ROR2: variants seen among roughly 807,000 people sequenced by gnomAD.
ROR2 encodes the protein ROR family WNT receptor 2.
Under a neutral mutation model 74.9 loss-of-function variants are expected in ROR2, and 33 were observed. That is an observed-to-expected ratio of 0.44 (90% CI 0.33 to 0.59). The LOEUF (loss-of-function observed/expected upper bound fraction) is 0.59. ROR2 is among the 20% of genes least tolerant of loss of function. ROR2 has a pLI of 0.02. For synonymous variants in ROR2, 586 were observed against 558.7 expected (o/e 1.05, Z -0.69); for missense variants, 1,216 against 1,313.8 (o/e 0.93, Z 1.15).
intron 3 of ROR2, 89 bp from the exon 4 acceptor site, chr9:91,756,190 G>A: frequency 3.0e-6 from 4 of 1,317,210 alleles, no homozygotes; most frequent in Middle Eastern, 1.8e-4. Context: ...CAAACAGGCT[G>A]AAGCCAGCGG....
intron 1 of ROR2, among the ~76,000 whole-genome samples, chr9:91,891,656 C>G (rs1830423042): frequency 1.3e-5 from 2 of 152,212 alleles, no homozygotes; most frequent in Admixed American, 1.3e-4. Context: ...CTTTTGGTTG[C>G]AGGACTGCAT....
At chr9:91,921,634 C>A (rs574541938) in intron 1 of ROR2, among the ~76,000 whole-genome samples, 1 of 152,086 alleles carries the variant, frequency 6.6e-6, no homozygotes, top group Non-Finnish European at 1.5e-5. Context: ...GAGGCCCAGG[C>A]GGGTGGATTA....
intron 1 of ROR2, among the ~76,000 whole-genome samples, chr9:91,823,611 G>A (rs530163944): frequency 5.3e-5 from 8 of 152,188 alleles, no homozygotes; most frequent in African/African-American, 1.9e-4. Flanking sequence ...TATAAAATAT[G>A]GATTTAAGGA....
intron 1 of ROR2, among the ~76,000 whole-genome samples, chr9:91,824,417 A>G (rs911325771): frequency 1.3e-5 from 2 of 152,216 alleles, no homozygotes; most frequent in Non-Finnish European, 2.9e-5. Flanking sequence ...AGTGGGCACT[A>G]AACCTCACTA....
At position 91,855,593 on chromosome 9, in the gene ROR2, A is replaced by G. The variant is rs1829254370; in HGVS notation, c.98-79775T>C. On this transcript the variant is annotated intron_variant, in intron 1 of 8. Transcript: ENST00000375708. ...GGTAAGCATCTTAGAGAAGGAAGGG[A>G]CACCCAGGGGCAATCAGCCTGCCTT... Among the ~76,000 whole-genome samples, 4 of 152,004 alleles carry G rather than the reference A, an allele frequency of 2.6e-5. No individual in the cohort carries two copies. In the South Asian group the frequency reaches 8.3e-4, roughly 32 times the overall value.
At chr9:91,803,588 G>GAGA (rs1827458975) in intron 1 of ROR2, among the ~76,000 whole-genome samples, 1 of 151,856 alleles carries the variant, frequency 6.6e-6, no homozygotes, top group African/African-American at 2.4e-5. Flanking sequence ...TTCACAGAAG[G>GAGA]AGACAACAAC....
At chr9:91,845,652 C>A (rs1828905772) in intron 1 of ROR2, among the ~76,000 whole-genome samples, 1 of 152,022 alleles carries the variant, frequency 6.6e-6, no homozygotes, top group South Asian at 2.1e-4. Flanking sequence ...GAGGCTGAGG[C>A]GGGCGGATCA....
At chr9:91,749,455 T>C (rs79572608) in intron 4 of ROR2, among the ~76,000 whole-genome samples, 185 of 152,332 alleles carry the variant, frequency 1.2e-3, no homozygotes, top group Admixed American at 2.7e-3. Flanking sequence ...TCCACCCTTA[T>C]GACCTTATTT....
At position 91,733,459 on chromosome 9, in the gene ROR2, G is replaced by A. The variant is rs372838172; in HGVS notation, c.623-23C>T. 95 of 1,602,636 alleles carry A rather than the reference G, an allele frequency of 5.9e-5. 1 individual carries two copies. The African/African-American group carries it at 7.4e-4, about 12-fold the overall frequency. ...CCGCTGCAGAGCCCGCGAGACTCGC[G>A]TTAGCGGGGGACCCACCTTGCGCCC... On this transcript the variant is annotated intron_variant, in intron 5 of 8. Coordinates refer to ENST00000375708, the MANE Select transcript of ROR2 (RefSeq NM_004560.4). This position sits in a 1 kb window ranked among gnomAD's most constrained non-coding sequence, Gnocchi z 5.7.
chr9:91,788,708 T>C (rs1245322236), intron 1 of ROR2, among the ~76,000 whole-genome samples: 6 of 151,708 alleles, frequency 4.0e-5, no homozygotes, highest in Non-Finnish European at 7.4e-5. Context: ...CTACTAAAAA[T>C]ACAAAAATTA....
intron 1 of ROR2, among the ~76,000 whole-genome samples, chr9:91,909,405 G>C (rs917084178): frequency 6.6e-6 from 1 of 152,160 alleles, no homozygotes; most frequent in Non-Finnish European, 1.5e-5. Flanking sequence ...GTGTTGCCAA[G>C]GCTGGAGTGT....
At chr9:91,754,938 G>T (rs1825698717) in intron 4 of ROR2, among the ~76,000 whole-genome samples, 1 of 152,136 alleles carries the variant, frequency 6.6e-6, no homozygotes, top group East Asian at 1.9e-4. Context: ...GATTGCTCGA[G>T]GCAAGAGTTT....
intron 1 of ROR2, among the ~76,000 whole-genome samples, chr9:91,841,011 A>G (rs2119216210): frequency 6.6e-6 from 1 of 152,340 alleles, no homozygotes; most frequent in Admixed American, 6.5e-5. Flanking sequence ...ACAGCTCCTT[A>G]TATGTAATAC....
At chr9:91,949,121 C>T (rs988102469) in intron 1 of ROR2, among the ~76,000 whole-genome samples, 2 of 151,490 alleles carry the variant, frequency 1.3e-5, no homozygotes, top group Non-Finnish European at 3.0e-5. Context: ...CCCGGGGGTC[C>T]CCCCGGCGCG....
chr9:91,744,213 C>CT lies in ROR2; in HGVS notation c.495-6696dup, dbSNP rs1167780367. On this transcript the variant is annotated intron_variant, in intron 4 of 8. Coordinates refer to ENST00000375708, the MANE Select transcript of ROR2 (RefSeq NM_004560.4). ...TTGACCCTCCACAGAAATTTGTTAA[C>CT]TTTTTTTTTTTTTTTTTTTTTTTTG... Among the ~76,000 whole-genome samples, 477 of 89,036 alleles carry CT rather than the reference C, an allele frequency of 5.4e-3. 34 individuals are homozygous for CT. Among genetic ancestry groups the CT allele is most frequent in the African/African-American group, 0.011 (249 of 22,346 alleles). The allele number at this position is 89,036 out of a possible 152,430, so 58.4% of individuals were successfully genotyped here.
chr9:91,912,420 TATTGCA>T (rs1198195999), intron 1 of ROR2, among the ~76,000 whole-genome samples: 1 of 152,244 alleles, frequency 6.6e-6, no homozygotes, highest in Non-Finnish European at 1.5e-5. Context: ...AGGTAATGGA[TATTGCA>T]ATTACCTTGA....
At chr9:91,788,062 T>A (rs2118991706) in intron 1 of ROR2, among the ~76,000 whole-genome samples, 1 of 152,276 alleles carries the variant, frequency 6.6e-6, no homozygotes, top group South Asian at 2.1e-4. Flanking sequence ...ATTCTGGAGT[T>A]GAAAGTGCCA....
chr9:91,790,847 C>T (rs1381288233), intron 1 of ROR2, among the ~76,000 whole-genome samples: 1 of 151,984 alleles, frequency 6.6e-6, no homozygotes, highest in Non-Finnish European at 1.5e-5. Flanking sequence ...TTTGTGCCTT[C>T]GTTTTTAGTT....
intron 1 of ROR2, among the ~76,000 whole-genome samples, chr9:91,912,344 C>T (rs117913604): frequency 0.014 from 2,059 of 152,190 alleles, 29 homozygotes; most frequent in Middle Eastern, 0.027. Flanking sequence ...AGCAAAATTA[C>T]AGTTAATTTA....
Sources: allele counts gnomAD v4.1 joint callset (sites outside exome capture counted in the v4.1 genomes callset), GRCh38; gene constraint gnomAD v4.1.1; non-coding constraint Gnocchi (gnomAD v3.1); transcripts MANE v1.5; gene names NCBI Gene and HGNC (gene_info 2026-07-23, HGNC 2026-07-21).